CHIT1: variants seen among roughly 807,000 people sequenced by gnomAD.
The protein encoded by CHIT1 is chitinase 1.
A neutral mutation model predicts 52.0 loss-of-function variants in CHIT1; 47 were observed. The ratio of observed to expected loss-of-function variants is 0.90; its 90% CI spans 0.71 to 1.15. The LOEUF (loss-of-function observed/expected upper bound fraction) is 1.15, where lower values mean the gene tolerates loss of function less well. CHIT1 is among the 50% of genes most tolerant of loss of function. CHIT1 has a pLI of 0.00. For synonymous variants in CHIT1, 242 were observed against 228.2 expected, an observed-to-expected ratio of 1.06 and a Z score of -0.54; for missense variants, 569 against 583.0, an observed-to-expected ratio of 0.98 and a Z score of 0.25.
intron 9 of CHIT1, among the ~76,000 whole-genome samples, chr1:203,218,796 C>T (rs1656629255): frequency 6.6e-6 from 1 of 152,052 alleles, no homozygotes; most frequent in South Asian, 2.1e-4. Flanking sequence ...AACAGTTTCA[C>T]AGGGGAAAAT....
rs141336321 is a variant in CHIT1, at chr1:203,224,333, C to A, written c.315-673G>T. On this transcript the variant is annotated intron_variant, in intron 4 of 10. Transcript: ENST00000367229. ...GGTCTCAAGTTCTTTACAGATTGATCCTATTTTATTTTTATTAATTTAGTC... is the reference window on the plus strand; with the variant it reads ...GGTCTCAAGTTCTTTACAGATTGATACTATTTTATTTTTATTAATTTAGTC... Among the ~76,000 whole-genome samples, 163 of 152,234 alleles carry A rather than the reference C, an allele frequency of 1.1e-3. 2 individuals carry two copies. The East Asian group carries it at 0.024, about 22-fold the overall frequency.
chr1:203,222,128 G>C, intron 7 of CHIT1, 74 bp downstream of exon 7: 1 of 1,602,176 alleles, frequency 6.2e-7, no homozygotes, highest in Non-Finnish European at 8.5e-7. Flanking sequence ...TGAGGGCCTC[G>C]GGGCTCAAAA....
chr1:203,219,442 G>A, intron 8 of CHIT1, 113 bp from the exon 9 acceptor site: 1 of 880,298 alleles, frequency 1.1e-6, no homozygotes, highest in Admixed American at 1.9e-5. Flanking sequence ...AGGAAGCCTG[G>A]AGAATCAGGA....
chr1:203,221,934 G>T (rs1378568334), intron 7 of CHIT1, among the ~76,000 whole-genome samples: 4 of 152,118 alleles, frequency 2.6e-5, no homozygotes, highest in Non-Finnish European at 5.9e-5. Flanking sequence ...AGCTCAAAGT[G>T]GGCTTCCCCA....
At chr1:203,221,782 A>G (rs1656744367) in intron 7 of CHIT1, among the ~76,000 whole-genome samples, 1 of 152,204 alleles carries the variant, frequency 6.6e-6, no homozygotes, top group South Asian at 2.1e-4. Context: ...AGATGTTATC[A>G]ACTTGGGAAA....
Position 203,216,368 on chromosome 1 carries a change from T to G in CHIT1, c.*521A>C, listed in dbSNP as rs1349171986. 4.4e-6 allele frequency: 2 copies of G among 454,030 alleles called. No individual in the cohort carries two copies. Among genetic ancestry groups the G allele is most frequent in the South Asian group, 3.1e-5 (2 of 64,476 alleles). The allele number at this position is 454,030 out of a possible 1,614,324, so 28.1% of individuals were successfully genotyped here. A position where few individuals can be genotyped will look rare whatever the true frequency, so the allele number is the denominator to read the frequency against. Reference sequence around the variant, plus strand: ...GCAGAGCGCTTAAATCAGGGAAAAGTTCTTCTCTGCTGCCATCTAGTGGCA... The same window carrying G: ...GCAGAGCGCTTAAATCAGGGAAAAGGTCTTCTCTGCTGCCATCTAGTGGCA... On this transcript the variant is annotated 3_prime_UTR_variant, in exon 11 of 11. Transcript: ENST00000367229.
intron 3 of CHIT1, among the ~76,000 whole-genome samples, chr1:203,225,389 A>G (rs112560795): frequency 3.6e-4 from 55 of 151,688 alleles, no homozygotes; most frequent in African/African-American, 1.3e-3. Flanking sequence ...TGAAGGGTGG[A>G]TCAATTTCAT....
intron 4 of CHIT1, 80 bp downstream of exon 4, chr1:203,224,968 C>G (rs1656870228): frequency 7.5e-7 from 1 of 1,332,216 alleles, no homozygotes; most frequent in Admixed American, 1.7e-5. Flanking sequence ...GGCCTGATTC[C>G]CTGACCAGGG....
At position 203,223,504 on chromosome 1, in the gene CHIT1, G is replaced by A. The variant is rs750197491; in HGVS notation, c.471C>T (p.Thr157=). Residue 157 remains threonine, a synonymous_variant, in exon 5 of 11, where the codon ACC becomes ACT. Coordinates refer to ENST00000367229, the MANE Select transcript of CHIT1 (RefSeq NM_003465.3). The part of the protein sequence containing the change: ...SPAVDKERFT[T]LVQDLANAFQ... ...CCCCGCCCAGCCATACCTGTACCAG[G>A]GTTGTGAAGCGCTCCTTGTCTACGG... 1 of 1,614,162 alleles carries A rather than the reference G, an allele frequency of 6.2e-7. No individual in the cohort carries two copies. The highest frequency in any genetic ancestry group is 8.5e-7 in the Non-Finnish European group (1 of 1,180,030).
At chr1:203,219,610 T>C (rs1196682145) in intron 8 of CHIT1, 54 bp downstream of exon 8, 2 of 1,595,008 alleles carry the variant, frequency 1.3e-6, no homozygotes, top group Non-Finnish European at 1.7e-6. Context: ...ACCTCTGTTC[T>C]CTCAGGCACC....
At chr1:203,226,938 G>C (rs1164466843) in intron 2 of CHIT1, among the ~76,000 whole-genome samples, 1 of 152,192 alleles carries the variant, frequency 6.6e-6, no homozygotes, top group Non-Finnish European at 1.5e-5. Flanking sequence ...ATCTATGATG[G>C]TGTGGTTTGT....
chr1:203,221,143 A>G (rs1180228999), intron 7 of CHIT1, among the ~76,000 whole-genome samples: 3 of 152,256 alleles, frequency 2.0e-5, no homozygotes, highest in Admixed American at 6.5e-5. Flanking sequence ...AAAGAGCCAG[A>G]AAATCAAAGA....
rs746226872 is a variant in CHIT1, at chr1:203,219,296, TTC to T, written c.947_948del (p.Arg316AsnfsTer19). On this transcript the variant is annotated frameshift_variant, in exon 9 of 11. Transcript: ENST00000367229. LOFTEE classifies it high-confidence loss of function. ...VCSWKGATKQ[R>X]IQDQKVPYIF... The stretch of plus-strand genomic sequence containing the variant: ...ATGTAGGGCACCTTCTGATCCTGGA[TTC>T]TCTGTTTGGTGGCCCCCTTCCAGGA... 10 of 1,612,456 alleles carry T rather than the reference TTC, an allele frequency of 6.2e-6. No individual in the cohort carries two copies. Among genetic ancestry groups the T allele is most frequent in the Non-Finnish European group, 5.9e-6 (7 of 1,178,460 alleles).
At chr1:203,217,163 C>T (rs1656564215) in intron 10 of CHIT1, 30 bp from the exon 11 acceptor site, 1 of 1,599,796 alleles carries the variant, frequency 6.3e-7, no homozygotes, top group Admixed American at 1.7e-5. Context: ...TCAACCAAGG[C>T]TCCCCCGAAG....
chr1:203,219,897 T>A (rs1571844703), intron 7 of CHIT1, 48 bp from the exon 8 acceptor site: 2 of 1,603,736 alleles, frequency 1.2e-6, no homozygotes, highest in East Asian at 4.5e-5. Flanking sequence ...AGCCTGGTTC[T>A]GATTATCTAA....
intron 10 of CHIT1, 72 bp from the exon 11 acceptor site, chr1:203,217,205 C>G: frequency 2.5e-6 from 4 of 1,597,910 alleles, no homozygotes; most frequent in South Asian, 1.1e-5. Context: ...AGCACACAGG[C>G]AGCAACCATT....
At position 203,216,938 on chromosome 1, in the gene CHIT1, G is replaced by T; in HGVS notation, c.1352C>A (p.Pro451Gln). Reference protein sequence around the residue: ...AAGRLFQQSCPTGLVFSNSCK... With the variant: ...AAGRLFQQSCQTGLVFSNSCK... ...GGAGTTGCTGAACACCAGGCCTGTC[G>T]GGCAGCTTTGCTGGAACAGCCGCCC... The change falls in exon 11 of 11, where the codon CCG (proline) becomes CAG (glutamine). Residue 451 changes from proline to glutamine, a missense_variant. By Grantham distance (76) the Pro-to-Gln change is moderately conservative. Transcript: ENST00000367229. The T allele has an allele frequency of 2.5e-6, 4 of 1,614,166 alleles. No individual in the cohort carries two copies. The highest frequency in any genetic ancestry group is 3.4e-6 in the Non-Finnish European group (4 of 1,180,028).
At position 203,217,346 on chromosome 1, in the gene CHIT1, G is replaced by A. The variant is rs542378897; in HGVS notation, c.1157-213C>T. The A allele has an allele frequency of 2.1e-4, 320 of 1,516,508 alleles. 3 individuals are homozygous for A. Among genetic ancestry groups the A allele is most frequent in the South Asian group, 1.6e-3 (133 of 83,184 alleles). 93.9% of individuals were successfully genotyped at this position (1,516,508 alleles called of 1,614,324 possible). On this transcript the variant is annotated intron_variant, in intron 10 of 10. Transcript: ENST00000367229. ...CCACAGGCAACACCTGGCCTCACAT[G>A]TGACAGGCAGTTAAGGCTTTACCCA...
chr1:203,225,863 A>G lies in CHIT1; in HGVS notation c.63T>C (p.Ala21=). Residue 21 remains alanine, a synonymous_variant, in exon 3 of 11, where the codon GCT becomes GCC. Coordinates refer to ENST00000367229, the MANE Select transcript of CHIT1 (RefSeq NM_003465.3). Reference sequence around the variant, plus strand: ...TGGTGAAGTAGCAGACCAGTTTTGCAGCAGAGCCTGGCCCGTTGGAGTAAA... The same window carrying G: ...TGGTGAAGTAGCAGACCAGTTTTGCGGCAGAGCCTGGCCCGTTGGAGTAAA... ...MVLLMIPWGS[A]AKLVCYFTNW... is the part of the protein sequence containing the mutation. The G allele has an allele frequency of 3.1e-6, 5 of 1,614,172 alleles. No individual in the cohort carries two copies. The highest frequency in any genetic ancestry group is 4.2e-6 in the Non-Finnish European group (5 of 1,180,030).
Sources: allele counts gnomAD v4.1 joint callset (sites outside exome capture counted in the v4.1 genomes callset), GRCh38; gene constraint gnomAD v4.1.1; transcripts MANE v1.5; gene names NCBI Gene and HGNC (gene_info 2026-07-23, HGNC 2026-07-21).